ETS1: variants seen among roughly 807,000 people sequenced by gnomAD.
ETS1 encodes protein C-ets-1.
ETS1 carries 15 observed loss-of-function variants against 58.6 expected under a neutral mutation model. The ratio of observed to expected loss-of-function variants is 0.26; its 90% CI spans 0.17 to 0.39. The LOEUF (loss-of-function observed/expected upper bound fraction) is 0.39, where lower values mean the gene tolerates loss of function less well. Ranked by LOEUF, ETS1 falls within the 10% of genes least tolerant of loss-of-function variation. The probability of loss-of-function intolerance (pLI) is 1.00; values close to 1 mark genes in which losing one functional copy is unlikely to be tolerated. For missense variants in ETS1, 417 were observed against 610.5 expected (o/e 0.68, Z 3.34); for synonymous variants, 214 against 218.2 (o/e 0.98, Z 0.17).
At position 128,486,494 on chromosome 11, in the gene ETS1, A is replaced by G. The variant is rs78595882; in HGVS notation, c.536-348T>C. Among the ~76,000 whole-genome samples the G allele has an allele frequency of 8.9e-4, 136 of 152,372 alleles. 2 individuals carry two copies. The East Asian group carries it at 0.025, about 28-fold the overall frequency. On this transcript the variant is annotated intron_variant, in intron 5 of 9. Transcript: ENST00000392668. The stretch of plus-strand genomic sequence containing the variant: ...CCACACTATAGCCAAAGGCTTGAGT[A>G]CATCCCAGGTTAGCAGGATCAATCC...
intron 3 of ETS1, among the ~76,000 whole-genome samples, chr11:128,527,666 T>A (rs1863825274): frequency 6.6e-6 from 1 of 152,128 alleles, no homozygotes; most frequent in Admixed American, 6.5e-5. Flanking sequence ...TTTAATAATA[T>A]GAGAGAAGAG....
intron 3 of ETS1, among the ~76,000 whole-genome samples, chr11:128,496,461 A>C (rs1368337154): frequency 6.6e-6 from 1 of 152,180 alleles, no homozygotes; most frequent in Non-Finnish European, 1.5e-5. Flanking sequence ...GCAGTGTGAA[A>C]GGTAATATCA....
At chr11:128,471,134 T>G (rs1040387279) in intron 8 of ETS1, among the ~76,000 whole-genome samples, 2 of 152,134 alleles carry the variant, frequency 1.3e-5, no homozygotes, top group Non-Finnish European at 2.9e-5. Context: ...CAAATGCCAA[T>G]AGTTTGGGCC....
intron 8 of ETS1, among the ~76,000 whole-genome samples, chr11:128,478,356 GGAAGGAGGAAGGAAGGGAGGGAGGGA>G: frequency 4.5e-5 from 1 of 21,992 alleles, no homozygotes; most frequent in Non-Finnish European, 7.7e-5. Context: ...GAAGGAGGAA[GGAAGGAGGAAGGAAGGGAGGGAGGGA>G]GGAAGGGAGG....
intron 3 of ETS1, among the ~76,000 whole-genome samples, chr11:128,539,665 A>C (rs192878560): frequency 6.6e-6 from 1 of 152,204 alleles, no homozygotes; most frequent in Non-Finnish European, 1.5e-5. Context: ...CACACAAAAA[A>C]CTTGTACATT....
chr11:128,585,063 AGAAAGAAAGAAAG>A (rs1864968894), intron 1 of ETS1, among the ~76,000 whole-genome samples: 3 of 25,816 alleles, frequency 1.2e-4, no homozygotes, highest in African/African-American at 4.1e-4. Flanking sequence ...AAAGAAAGAA[AGAAAGAAAGAAAG>A]AGAAAGAAAG....
intron 8 of ETS1, among the ~76,000 whole-genome samples, chr11:128,472,311 T>G (rs1368534745): frequency 6.6e-6 from 1 of 152,206 alleles, no homozygotes; most frequent in Admixed American, 6.5e-5. Flanking sequence ...GAGTTTAAAC[T>G]TTCACATTCA....
At chr11:128,540,398 T>C (rs1197007676) in intron 3 of ETS1, among the ~76,000 whole-genome samples, 1 of 149,620 alleles carries the variant, frequency 6.7e-6, no homozygotes, top group Non-Finnish European at 1.5e-5. Context: ...ATACTGTAAA[T>C]ACACTAAACA....
chr11:128,477,572 G>T (rs1156862831), intron 8 of ETS1, among the ~76,000 whole-genome samples: 2 of 152,086 alleles, frequency 1.3e-5, no homozygotes, highest in Non-Finnish European at 2.9e-5. Context: ...CACCCTCAGA[G>T]GGTGAGTCTG....
chr11:128,569,330 T>TTTTTTTTTTTTTTTTTTTTTTTTTTTTTG, intron 2 of ETS1, among the ~76,000 whole-genome samples: 1 of 120,502 alleles, frequency 8.3e-6, no homozygotes, highest in Non-Finnish European at 1.8e-5. Flanking sequence ...TTTTTTTTTT[T>TTTTTTTTTTTTTTTTTTTTTTTTTTTTTG]TTTTTTTTTT....
chr11:128,481,853 T>C lies in ETS1; in HGVS notation c.863-1402A>G, dbSNP rs139718629. Among the ~76,000 whole-genome samples the C allele has an allele frequency of 2.6e-3, 390 of 152,330 alleles. 1 individual carries two copies. Among genetic ancestry groups the C allele is most frequent in the Middle Eastern group, 6.8e-3 (2 of 294 alleles). ...ATTGTTTAAAGATCCGGATAAAATG[T>C]ATTCGGTTGAGTGTGTACTTTTTGT... On this transcript the variant is annotated intron_variant, in intron 7 of 9. Coordinates refer to ENST00000392668, the MANE Select transcript of ETS1 (RefSeq NM_001143820.2).
chr11:128,553,419 C>T (rs949604835), intron 3 of ETS1, among the ~76,000 whole-genome samples: 2 of 151,974 alleles, frequency 1.3e-5, no homozygotes, highest in Non-Finnish European at 2.9e-5. Context: ...TTGTCTTTTT[C>T]TGGGCTCCCC....
At position 128,486,161 on chromosome 11, in the gene ETS1, T is replaced by G. The variant is rs374713484; in HGVS notation, c.536-15A>C. Reference sequence around the variant, plus strand: ...TTTCACATCCTCTGTAATGAACAGATAGGGAAGGAACAAAGAGGTCAATAT... The same window carrying G: ...TTTCACATCCTCTGTAATGAACAGAGAGGGAAGGAACAAAGAGGTCAATAT... On this transcript the variant is annotated splice_polypyrimidine_tract_variant and intron_variant, in intron 5 of 9. Coordinates refer to ENST00000392668, the MANE Select transcript of ETS1 (RefSeq NM_001143820.2). 64 of 1,548,146 alleles carry G rather than the reference T, an allele frequency of 4.1e-5. No individual in the cohort carries two copies. Among genetic ancestry groups the G allele is most frequent in the Non-Finnish European group, 5.0e-5 (56 of 1,120,898 alleles).
chr11:128,559,690 T>G (rs751099811), intron 2 of ETS1, among the ~76,000 whole-genome samples: 2 of 152,214 alleles, frequency 1.3e-5, no homozygotes, highest in Non-Finnish European at 2.9e-5. Flanking sequence ...TGCCTGTTTA[T>G]TAGACATTTC....
chr11:128,529,905 C>G (rs897859604), intron 3 of ETS1, among the ~76,000 whole-genome samples: 1 of 152,170 alleles, frequency 6.6e-6, no homozygotes, highest in South Asian at 2.1e-4. Context: ...ATGCATAGCA[C>G]TTTTTAAGTT....
At chr11:128,528,326 A>T (rs1863838071) in intron 3 of ETS1, among the ~76,000 whole-genome samples, 1 of 152,170 alleles carries the variant, frequency 6.6e-6, no homozygotes, top group Non-Finnish European at 1.5e-5. Flanking sequence ...AGGTGAAAGG[A>T]TCTCAGGAGG....
intron 4 of ETS1, 141 bp downstream of exon 4, chr11:128,490,316 C>T (rs1387461310): frequency 2.5e-6 from 2 of 813,586 alleles, no homozygotes; most frequent in African/African-American, 3.4e-5. Context: ...CATGATTGTC[C>T]TAACAGATGG....
At chr11:128,574,460 ACC>A (rs1864701930) in intron 1 of ETS1, among the ~76,000 whole-genome samples, 1 of 152,138 alleles carries the variant, frequency 6.6e-6, no homozygotes, top group Admixed American at 6.5e-5. Flanking sequence ...CAGCAAAACC[ACC>A]CCAGGAAGAG....
chr11:128,497,176 C>G (rs1862966634), intron 3 of ETS1, among the ~76,000 whole-genome samples: 1 of 152,146 alleles, frequency 6.6e-6, no homozygotes, highest in African/African-American at 2.4e-5. Flanking sequence ...GAGAAAATCC[C>G]CAATTCACCC....
Sources: gnomAD v4.1 joint callset for allele counts (sites outside exome capture counted in the v4.1 genomes callset) on GRCh38, gnomAD v4.1.1 for gene constraint, MANE v1.5 for transcripts, NCBI Gene and HGNC (gene_info 2026-07-23, HGNC 2026-07-21) for gene names.